SUV39H2: variants seen among roughly 807,000 people sequenced by gnomAD.
SUV39H2 encodes SUV39H2 histone lysine methyltransferase, also known as histone-lysine N-methyltransferase SUV39H2.
Under a neutral mutation model 47.5 loss-of-function variants are expected in SUV39H2, and 10 were observed. The ratio of observed to expected loss-of-function variants is 0.21; its 90% CI spans 0.13 to 0.36. SUV39H2 has a LOEUF of 0.36. Ranked by LOEUF, SUV39H2 falls within the 10% of genes least tolerant of loss-of-function variation. The pLI is 1.00. For synonymous variants in SUV39H2, 159 were observed against 166.8 expected (o/e 0.95, Z 0.36); for missense variants, 266 against 487.4 (o/e 0.55, Z 4.28).
At chr10:14,886,350 G>C (rs1170932237) in intron 2 of SUV39H2, among the ~76,000 whole-genome samples, 1 of 152,112 alleles carries the variant, frequency 6.6e-6, no homozygotes, top group African/African-American at 2.4e-5. Flanking sequence ...AGCAAAATTA[G>C]TTGATTTATG....
intron 5 of SUV39H2, among the ~76,000 whole-genome samples, chr10:14,901,915 T>C (rs1834050760): frequency 6.6e-6 from 1 of 152,216 alleles, no homozygotes; most frequent in South Asian, 2.1e-4. Context: ...CACATACAAA[T>C]TTATTCTATT....
At chr10:14,888,643 AAAG>A (rs1164635028) in intron 2 of SUV39H2, among the ~76,000 whole-genome samples, 4 of 152,028 alleles carry the variant, frequency 2.6e-5, no homozygotes, top group African/African-American at 9.7e-5. Flanking sequence ...TCAAAAAAAA[AAAG>A]AAAGAAAATG....
At chr10:14,902,373 C>G (rs750210703) in intron 5 of SUV39H2, 33 bp from the exon 6 acceptor site, 2 of 1,434,946 alleles carry the variant, frequency 1.4e-6, no homozygotes, top group South Asian at 1.3e-5. Flanking sequence ...TCTTAACTCT[C>G]TTTCTCCTAT....
intron 3 of SUV39H2, 47 bp from the exon 4 acceptor site, chr10:14,899,492 C>A: frequency 6.3e-7 from 1 of 1,597,720 alleles, no homozygotes; most frequent in African/African-American, 1.3e-5. Flanking sequence ...ATGAATGCTT[C>A]TTTGGTTCAG....
intron 2 of SUV39H2, among the ~76,000 whole-genome samples, chr10:14,894,355 G>GTTTTTTTTTTT (rs35812740): frequency 3.4e-5 from 2 of 58,098 alleles, no homozygotes; most frequent in Admixed American, 1.8e-4. Flanking sequence ...AGAAAGCAAA[G>GTTTTTTTTTTT]TTTTTTTTTT....
intron 2 of SUV39H2, among the ~76,000 whole-genome samples, chr10:14,895,039 A>G (rs1479298263): frequency 1.3e-5 from 2 of 152,214 alleles, no homozygotes; most frequent in African/African-American, 4.8e-5. Flanking sequence ...TTTTTATCTT[A>G]GAAGACATTT....
chr10:14,880,314 A>G (rs976276895), intron 1 of SUV39H2, among the ~76,000 whole-genome samples: 1 of 152,170 alleles, frequency 6.6e-6, no homozygotes, highest in Non-Finnish European at 1.5e-5. Context: ...GGTGGGGAGG[A>G]TGAGGAAAGG....
At chr10:14,879,231 G>T in intron 1 of SUV39H2, 1 of 737,632 alleles carries the variant, frequency 1.4e-6, no homozygotes, top group Non-Finnish European at 1.8e-6. Flanking sequence ...CGGGCTTCGA[G>T]GCCGCTCCCC....
intron 2 of SUV39H2, among the ~76,000 whole-genome samples, chr10:14,888,451 T>A (rs887048532): frequency 6.6e-6 from 1 of 151,554 alleles, no homozygotes; most frequent in Non-Finnish European, 1.5e-5. Context: ...CTGGCCAACA[T>A]GGTGAAACCC....
chr10:14,881,008 T>G (rs1833025558), intron 1 of SUV39H2, among the ~76,000 whole-genome samples: 2 of 152,218 alleles, frequency 1.3e-5, no homozygotes, highest in South Asian at 4.1e-4. Context: ...TAATTAGATT[T>G]CAGTTCGTTT....
chr10:14,888,257 G>T (rs1185546089), intron 2 of SUV39H2, among the ~76,000 whole-genome samples: 1 of 152,162 alleles, frequency 6.6e-6, no homozygotes, highest in African/African-American at 2.4e-5. Flanking sequence ...CAAGGATTGA[G>T]GATGAGCCCT....
intron 2 of SUV39H2, among the ~76,000 whole-genome samples, chr10:14,890,503 G>C (rs1383387112): frequency 6.6e-6 from 1 of 152,062 alleles, no homozygotes; most frequent in African/African-American, 2.4e-5. Context: ...AACGATCCTC[G>C]CATCTCCGCC....
At position 14,896,755 on chromosome 10, in the gene SUV39H2, G is replaced by T. The variant is rs991566767; in HGVS notation, c.178-91G>T. 23 of 1,109,724 alleles carry T rather than the reference G, an allele frequency of 2.1e-5. No individual in the cohort carries two copies. In the African/African-American group the frequency reaches 3.3e-4, roughly 16 times the overall value. 68.7% of individuals were successfully genotyped at this position (1,109,724 alleles called of 1,614,324 possible). A position where few individuals can be genotyped will look rare whatever the true frequency, so the allele number is the denominator to read the frequency against. ...AACTGTTAGTAAGAAAAATGGTATT[G>T]GATACCTTACTCTTTAAGATTTTTA... On this transcript the variant is annotated intron_variant, in intron 2 of 5. Transcript: ENST00000354919.
In SUV39H2 at chr10:14,902,918, T is replaced by C. The variant is rs2131730165; in HGVS notation, c.*406T>C. On this transcript the variant is annotated 3_prime_UTR_variant, in exon 6 of 6. Transcript: ENST00000354919. ...CGGAGAAACAGTTAATTTGGGCAAA[T>C]CTACAGTTCTGTTTTTGCTACTCTA... is the stretch of plus-strand genomic sequence containing the variant. 6.5e-6 allele frequency: 1 copy of C among 154,238 alleles called. No homozygotes were observed. Among genetic ancestry groups the C allele is most frequent in the Middle Eastern group, 3.4e-3 (1 of 294 alleles). The allele number at this position is 154,238 out of a possible 1,614,324, so 9.6% of individuals were successfully genotyped here.
At chr10:14,892,231 G>A (rs1833411751) in intron 2 of SUV39H2, among the ~76,000 whole-genome samples, 1 of 152,192 alleles carries the variant, frequency 6.6e-6, no homozygotes, top group Non-Finnish European at 1.5e-5. Flanking sequence ...TAATAGATTT[G>A]TAAAATTGTT....
At chr10:14,887,363 T>C (rs1362526229) in intron 2 of SUV39H2, among the ~76,000 whole-genome samples, 1 of 152,166 alleles carries the variant, frequency 6.6e-6, no homozygotes, top group Non-Finnish European at 1.5e-5. Context: ...TGGGCAGTGG[T>C]GTAGACAGTA....
At chr10:14,893,399 T>C (rs961960991) in intron 2 of SUV39H2, among the ~76,000 whole-genome samples, 1 of 152,174 alleles carries the variant, frequency 6.6e-6, no homozygotes, top group Non-Finnish European at 1.5e-5. Flanking sequence ...GGAAGTGGCT[T>C]TAAAAAAAAA....
At chr10:14,891,010 T>C (rs1012785287) in intron 2 of SUV39H2, among the ~76,000 whole-genome samples, 1 of 152,174 alleles carries the variant, frequency 6.6e-6, no homozygotes, top group African/African-American at 2.4e-5. Flanking sequence ...TTGTGCTCAT[T>C]TGGGGGCTAT....
rs919860514 is a variant in SUV39H2, at chr10:14,898,202, C to CTTTTTTTTTTTTTTTT, written c.849+698_849+713dup. On this transcript the variant is annotated intron_variant, in intron 3 of 5. Transcript: ENST00000354919. ...AAAACTCAGTGAGGTAGTACTGTTT[C>CTTTTTTTTTTTTTTTT]TTTTTTTTTTTTTTTTTTTTTTTTT... The CTTTTTTTTTTTTTTTT allele has an allele frequency of 6.6e-4, 37 of 56,152 alleles. 4 individuals carry two copies. Among genetic ancestry groups the CTTTTTTTTTTTTTTTT allele is most frequent in the African/African-American group, 1.1e-3 (16 of 14,150 alleles). 3.5% of individuals were successfully genotyped at this position (56,152 alleles called of 1,614,324 possible). A position where few individuals can be genotyped will look rare whatever the true frequency, so the allele number is the denominator to read the frequency against.
Sources: gnomAD v4.1 joint callset for allele counts (sites outside exome capture counted in the v4.1 genomes callset) on GRCh38, gnomAD v4.1.1 for gene constraint, MANE v1.5 for transcripts, NCBI Gene and HGNC (gene_info 2026-07-23, HGNC 2026-07-21) for gene names.